Variants in LDB2 observed in about 807,000 individuals in gnomAD.
LDB2 encodes LIM domain binding 2, also known as LIM domain-binding protein 2.
Under a neutral mutation model 44.3 loss-of-function variants are expected in LDB2, and 12 were observed. The ratio of observed to expected loss-of-function variants is 0.27; its 90% CI spans 0.17 to 0.44. The LOEUF is 0.44. LDB2 is among the 20% of genes least tolerant of loss of function. The pLI, the probability that LDB2 is intolerant of heterozygous loss-of-function variation, is 1.00. For missense variants in LDB2, 344 were observed against 473.5 expected, an observed-to-expected ratio of 0.73 and a Z score of 2.54; for synonymous variants, 164 against 174.8, an observed-to-expected ratio of 0.94 and a Z score of 0.49.
intron 1 of LDB2, among the ~76,000 whole-genome samples, chr4:16,808,312 G>GA (rs751688540): frequency 6.6e-6 from 1 of 152,144 alleles, no homozygotes; most frequent in African/African-American, 2.4e-5. Flanking sequence ...GTTTCAGCAA[G>GA]ACACAGACAT....
At chr4:16,786,483 CTG>C (rs1561226933) in intron 1 of LDB2, among the ~76,000 whole-genome samples, 1 of 152,218 alleles carries the variant, frequency 6.6e-6, no homozygotes, top group African/African-American at 2.4e-5. Flanking sequence ...TCTTTACTAA[CTG>C]TGACTCTCTT....
intron 1 of LDB2, among the ~76,000 whole-genome samples, chr4:16,844,070 T>A (rs1171362030): frequency 1.5e-5 from 2 of 130,696 alleles, no homozygotes; most frequent in East Asian, 4.5e-4. Flanking sequence ...CTGGGCAACA[T>A]AGCAAGACCC....
intron 1 of LDB2, among the ~76,000 whole-genome samples, chr4:16,822,792 A>G (rs947658523): frequency 3.3e-5 from 5 of 152,208 alleles, no homozygotes; most frequent in African/African-American, 9.6e-5. Context: ...CTGAGATTAC[A>G]GGCATGCACC....
intron 2 of LDB2, among the ~76,000 whole-genome samples, chr4:16,682,272 TTC>T (rs139314772): frequency 0.065 from 9,850 of 152,238 alleles, 581 homozygotes; most frequent in East Asian, 0.2. Context: ...CCAATTTAGA[TTC>T]TGTCAGCCAT....
chr4:16,734,703 CTTTTTTTTTT>C (rs539507998), intron 2 of LDB2, among the ~76,000 whole-genome samples: 1 of 129,380 alleles, frequency 7.7e-6, no homozygotes. Context: ...TTCTTGTTTT[CTTTTTTTTTT>C]TTTTTTTTTT....
At chr4:16,682,695 G>A (rs890434107) in intron 2 of LDB2, among the ~76,000 whole-genome samples, 3 of 152,162 alleles carry the variant, frequency 2.0e-5, no homozygotes, top group African/African-American at 7.2e-5. Context: ...GCTCCTGGAG[G>A]GAAAAGACTT....
chr4:16,895,120 TAAAAA>T (rs71181199), intron 1 of LDB2, among the ~76,000 whole-genome samples: 1 of 124,672 alleles, frequency 8.0e-6, no homozygotes, highest in Non-Finnish European at 1.7e-5. Context: ...TTTTTCATGC[TAAAAA>T]AAAAAAAAAA....
intron 2 of LDB2, among the ~76,000 whole-genome samples, chr4:16,732,630 T>C (rs1369358639): frequency 1.3e-5 from 2 of 152,200 alleles, no homozygotes; most frequent in African/African-American, 4.8e-5. Context: ...TATAGTTCTA[T>C]ATAGAACTCA....
At chr4:16,590,643 C>T (rs1204627281) in intron 3 of LDB2, among the ~76,000 whole-genome samples, 2 of 152,206 alleles carry the variant, frequency 1.3e-5, no homozygotes, top group Admixed American at 6.5e-5. Context: ...ATGCTGTTAA[C>T]GTGTGCCATC....
intron 2 of LDB2, among the ~76,000 whole-genome samples, chr4:16,719,759 GT>G (rs1292733982): frequency 1.3e-5 from 2 of 151,954 alleles, no homozygotes; most frequent in Admixed American, 6.6e-5. Context: ...CCTAAGTGTT[GT>G]TTTTTATCCC....
chr4:16,664,790 A>G lies in LDB2; in HGVS notation c.236-68915T>C, dbSNP rs145663478. Reference sequence around the variant, plus strand: ...TGTAATGAATGTGGAATAGGTGCACATTTGTACTCTCTGCATGTTTCGGGT... The same window carrying G: ...TGTAATGAATGTGGAATAGGTGCACGTTTGTACTCTCTGCATGTTTCGGGT... On this transcript the variant is annotated intron_variant, in intron 2 of 7. Coordinates refer to ENST00000304523, the MANE Select transcript of LDB2 (RefSeq NM_001290.5). Among the ~76,000 whole-genome samples the G allele has an allele frequency of 1.5e-3, 225 of 152,290 alleles. 1 individual carries two copies. Among genetic ancestry groups the G allele is most frequent in the African/African-American group, 5.1e-3 (213 of 41,570 alleles).
At chr4:16,614,469 A>T (rs1279843185) in intron 2 of LDB2, among the ~76,000 whole-genome samples, 1 of 152,108 alleles carries the variant, frequency 6.6e-6, no homozygotes, top group African/African-American at 2.4e-5. Context: ...AACTATCATC[A>T]AACTGAACAG....
At chr4:16,786,988 T>A (rs961682589) in intron 1 of LDB2, among the ~76,000 whole-genome samples, 3 of 152,094 alleles carry the variant, frequency 2.0e-5, no homozygotes, top group Non-Finnish European at 4.4e-5. Flanking sequence ...TCCCCTGAAG[T>A]TTTAGGGTGC....
intron 1 of LDB2, among the ~76,000 whole-genome samples, chr4:16,793,467 C>T (rs1457301676): frequency 6.6e-6 from 1 of 152,138 alleles, no homozygotes; most frequent in Non-Finnish European, 1.5e-5. Context: ...ACCGTCAAAC[C>T]ATCAGCTCCC....
At chr4:16,621,599 C>T (rs552392973) in intron 2 of LDB2, among the ~76,000 whole-genome samples, 19 of 152,050 alleles carry the variant, frequency 1.2e-4, no homozygotes, top group Admixed American at 6.6e-4. Context: ...GTTACCCTGA[C>T]GAGAATGCAG....
At chr4:16,590,798 T>A (rs1357642152) in intron 3 of LDB2, among the ~76,000 whole-genome samples, 1 of 152,170 alleles carries the variant, frequency 6.6e-6, no homozygotes, top group Admixed American at 6.5e-5. Flanking sequence ...GGCTGTGTAG[T>A]CTTCAGTGCC....
intron 1 of LDB2, among the ~76,000 whole-genome samples, chr4:16,843,282 C>T (rs944762472): frequency 6.6e-6 from 1 of 152,100 alleles, no homozygotes; most frequent in African/African-American, 2.4e-5. Flanking sequence ...GGAAAGTTAG[C>T]GTTTTCCGCA....
chr4:16,633,942 C>T (rs1333324350), intron 2 of LDB2, among the ~76,000 whole-genome samples: 3 of 152,094 alleles, frequency 2.0e-5, no homozygotes, highest in African/African-American at 7.2e-5. Context: ...AGAACAGAGG[C>T]CCCAGAAATA....
intron 2 of LDB2, among the ~76,000 whole-genome samples, chr4:16,752,221 C>T (rs1388620901): frequency 6.6e-6 from 1 of 152,126 alleles, no homozygotes; most frequent in East Asian, 1.9e-4. Context: ...ATTTCCTTTC[C>T]TCTGGTCCTC....
Sources: allele counts gnomAD v4.1 joint callset (sites outside exome capture counted in the v4.1 genomes callset), GRCh38; gene constraint gnomAD v4.1.1; transcripts MANE v1.5; gene names NCBI Gene and HGNC (gene_info 2026-07-23, HGNC 2026-07-21).